Variants in PPP2R2C observed in about 807,000 individuals in gnomAD.
The protein encoded by PPP2R2C is protein phosphatase 2 regulatory subunit Bgamma.
PPP2R2C carries 10 observed loss-of-function variants against 45.3 expected under a neutral mutation model. That is an observed-to-expected ratio of 0.22 (90% CI 0.14 to 0.37). The LOEUF (loss-of-function observed/expected upper bound fraction) is 0.37. Among genes scored for constraint, PPP2R2C ranks in the 10% least tolerant of loss-of-function variants. The pLI is 1.00. For missense variants in PPP2R2C, 308 were observed against 619.7 expected, an observed-to-expected ratio of 0.50 and a Z score of 5.34; for synonymous variants, 257 against 245.4, an observed-to-expected ratio of 1.05 and a Z score of -0.44.
At chr4:6,545,188 G>A (rs974691965) in intron 1 of PPP2R2C, among the ~76,000 whole-genome samples, 1 of 152,188 alleles carries the variant, frequency 6.6e-6, no homozygotes, top group Non-Finnish European at 1.5e-5. Context: ...AGCTCACATA[G>A]TTTTTAGGGA....
At chr4:6,503,784 T>G (rs984990959) in intron 2 of PPP2R2C, among the ~76,000 whole-genome samples, 2 of 130,028 alleles carry the variant, frequency 1.5e-5, no homozygotes, top group African/African-American at 5.6e-5. Context: ...AGTGGAATAC[T>G]ACTTGGCAAT....
chr4:6,445,195 A>G (rs1720356199), intron 1 of PPP2R2C, among the ~76,000 whole-genome samples: 1 of 151,534 alleles, frequency 6.6e-6, no homozygotes, highest in Non-Finnish European at 1.5e-5. Flanking sequence ...TCTCAACAAA[A>G]GCAAAATAAA....
intron 1 of PPP2R2C, among the ~76,000 whole-genome samples, chr4:6,543,535 A>G (rs1410214167): frequency 6.6e-6 from 1 of 152,202 alleles, no homozygotes; most frequent in Non-Finnish European, 1.5e-5. Flanking sequence ...AGCCTGACCA[A>G]CCTGGCCAAA....
intron 1 of PPP2R2C, among the ~76,000 whole-genome samples, chr4:6,414,284 T>C (rs1050375465): frequency 4.6e-5 from 7 of 152,158 alleles, no homozygotes; most frequent in Non-Finnish European, 1.5e-5. Context: ...CCTGCATTAC[T>C]TCCTACATGT....
intron 1 of PPP2R2C, among the ~76,000 whole-genome samples, chr4:6,542,767 A>C (rs995867583): frequency 1.3e-5 from 2 of 152,126 alleles, no homozygotes; most frequent in African/African-American, 4.8e-5. Flanking sequence ...GAAGAAACAG[A>C]TAAATTTCTA....
At chr4:6,478,283 C>T (rs1722232631) in intron 2 of PPP2R2C, among the ~76,000 whole-genome samples, 1 of 152,256 alleles carries the variant, frequency 6.6e-6, no homozygotes, top group East Asian at 1.9e-4. Context: ...TGCTTCTCGC[C>T]TCCTTCTGTG....
intron 5 of PPP2R2C, among the ~76,000 whole-genome samples, chr4:6,361,821 C>T (rs552490729): frequency 5.9e-5 from 9 of 152,322 alleles, no homozygotes; most frequent in South Asian, 2.1e-4. Flanking sequence ...GACCAGACCC[C>T]GCCCTGACTG....
At chr4:6,430,512 G>C (rs1185927181) in intron 1 of PPP2R2C, among the ~76,000 whole-genome samples, 1 of 152,206 alleles carries the variant, frequency 6.6e-6, no homozygotes, top group Non-Finnish European at 1.5e-5. Context: ...CGTGAAGAAA[G>C]CCTCAGACCC....
At chr4:6,365,697 T>G (rs532354663) in intron 5 of PPP2R2C, among the ~76,000 whole-genome samples, 83 of 152,310 alleles carry the variant, frequency 5.4e-4, no homozygotes, top group Non-Finnish European at 8.7e-4. Context: ...ATGAAGGTTC[T>G]GAGCCTCCTG....
chr4:6,328,950 A>G lies in PPP2R2C; in HGVS notation c.1052+312T>C, dbSNP rs371427628. On this transcript the variant is annotated intron_variant, in intron 8 of 8. Transcript: ENST00000382599. This position sits in a 1 kb window ranked among gnomAD's most constrained non-coding sequence, Gnocchi z 4.4. ...CTGGGCTATAGCCCTCGCCCCCGACAAGCTGGGAGAGGGGAGCACATCACC... is the reference window on the plus strand; with the variant it reads ...CTGGGCTATAGCCCTCGCCCCCGACGAGCTGGGAGAGGGGAGCACATCACC... Among the ~76,000 whole-genome samples, 1 of 152,168 alleles carries G rather than the reference A, an allele frequency of 6.6e-6. No homozygotes were observed. The highest frequency in any genetic ancestry group is 1.5e-5 in the Non-Finnish European group (1 of 68,028).
intron 1 of PPP2R2C, among the ~76,000 whole-genome samples, chr4:6,426,304 C>G (rs9997690): frequency 0.085 from 12,919 of 152,220 alleles, 1,861 homozygotes; most frequent in African/African-American, 0.29. Flanking sequence ...CTCCCTTCTA[C>G]GATCAGCTGC....
chr4:6,459,881 G>T lies in PPP2R2C; in HGVS notation c.70+12279C>A, dbSNP rs116710572. Among the ~76,000 whole-genome samples the T allele has an allele frequency of 2.0e-3, 306 of 152,266 alleles. No individual in the cohort carries two copies. In the Middle Eastern group the frequency reaches 0.027, roughly 14 times the overall value. ...ACTAGCAATGCTCTGGGGAAAGGGA[G>T]TTGTTAGTACCAAGTTTGGTCATCA... is the stretch of plus-strand genomic sequence containing the variant. On this transcript the variant is annotated intron_variant, in intron 1 of 8. Coordinates refer to ENST00000382599, the MANE Select transcript of PPP2R2C (RefSeq NM_020416.4).
intron 5 of PPP2R2C, among the ~76,000 whole-genome samples, chr4:6,356,234 C>T (rs923194431): frequency 3.3e-5 from 5 of 152,192 alleles, no homozygotes; most frequent in African/African-American, 7.2e-5. Context: ...AAACCCCAGC[C>T]AAGCACCTAG....
At chr4:6,419,689 C>T (rs1186240587) in intron 1 of PPP2R2C, among the ~76,000 whole-genome samples, 3 of 152,150 alleles carry the variant, frequency 2.0e-5, no homozygotes, top group South Asian at 2.1e-4. Flanking sequence ...GGAAAACAAT[C>T]GAACTTTATC....
In PPP2R2C at chr4:6,524,196, A is replaced by G. The variant is rs973244517; in HGVS notation, c.49+11075T>C. 4.6e-5 allele frequency among the ~76,000 whole-genome samples: 7 copies of G among 152,292 alleles called. No homozygotes were observed. The East Asian group carries it at 1.4e-3, about 29-fold the overall frequency. ...CTCAGCCTCCCAAAGTGCCGGAATT[A>G]CAGGCGTGAGCCACTGTGCCCAGTC... On this transcript the variant is annotated intron_variant, in intron 2 of 9. Coordinates refer to the PPP2R2C transcript ENST00000506140.
intron 1 of PPP2R2C, among the ~76,000 whole-genome samples, chr4:6,402,302 C>CCCCAAATCGAACATTTCCCCAA (rs1287347711): frequency 6.6e-6 from 1 of 152,202 alleles, no homozygotes; most frequent in African/African-American, 2.4e-5. Flanking sequence ...TGCGGCTCTT[C>CCCCAAATCGAACATTTCCCCAA]ATACAAGCGG....
At chr4:6,353,384 C>T (rs1387173627) in intron 5 of PPP2R2C, among the ~76,000 whole-genome samples, 1 of 80,452 alleles carries the variant, frequency 1.2e-5, no homozygotes, top group African/African-American at 5.2e-5. Flanking sequence ...ACAGCCCCCA[C>T]ACTGACAGCC....
At chr4:6,430,647 G>A (rs552998600) in intron 1 of PPP2R2C, among the ~76,000 whole-genome samples, 7 of 152,228 alleles carry the variant, frequency 4.6e-5, no homozygotes, top group South Asian at 2.1e-4. Context: ...AGATCCAGCC[G>A]GGCACGGTGG....
chr4:6,517,686 A>C (rs185016035), intron 2 of PPP2R2C, among the ~76,000 whole-genome samples: 6 of 152,254 alleles, frequency 3.9e-5, no homozygotes, highest in Non-Finnish European at 2.9e-5. Flanking sequence ...CCCTCCCCTG[A>C]TGCACCTCTT....
Sources: allele counts gnomAD v4.1 joint callset (sites outside exome capture counted in the v4.1 genomes callset), GRCh38; gene constraint gnomAD v4.1.1; non-coding constraint Gnocchi (gnomAD v3.1); transcripts MANE v1.5; gene names NCBI Gene and HGNC (gene_info 2026-07-23, HGNC 2026-07-21).